VEZT: variants seen among roughly 807,000 people sequenced by gnomAD.
VEZT encodes vezatin, adherens junctions transmembrane protein.
Under a neutral mutation model 79.9 loss-of-function variants are expected in VEZT, and 39 were observed. That is an observed-to-expected ratio of 0.49 (90% confidence interval 0.38 to 0.64). The LOEUF is 0.64. VEZT is among the 30% of genes least tolerant of loss of function. The probability of loss-of-function intolerance (pLI) is 0.00; values close to 1 mark genes in which losing one functional copy is unlikely to be tolerated. For synonymous variants in VEZT, 325 were observed against 327.6 expected (o/e 0.99, Z 0.09); for missense variants, 837 against 893.1 (o/e 0.94, Z 0.80).
chr12:95,227,592 C>T (rs1372919702), intron 1 of VEZT, among the ~76,000 whole-genome samples: 3 of 152,150 alleles, frequency 2.0e-5, no homozygotes, highest in East Asian at 3.9e-4. Flanking sequence ...CCATCCGCCT[C>T]GGCTTCCCAA....
chr12:95,294,142 C>A, intron 9 of VEZT, 130 bp from the exon 10 acceptor site: 1 of 647,432 alleles, frequency 1.5e-6, no homozygotes. Context: ...CTGCCTCAGC[C>A]TCCCGAAGTG....
intron 7 of VEZT, among the ~76,000 whole-genome samples, chr12:95,279,704 A>G (rs1369628724): frequency 2.6e-5 from 4 of 152,012 alleles, no homozygotes; most frequent in Admixed American, 2.6e-4. Context: ...CGATCCTCCC[A>G]CCCTAGCCTC....
chr12:95,228,631 A>G (rs1056260767), intron 1 of VEZT, among the ~76,000 whole-genome samples: 3 of 152,172 alleles, frequency 2.0e-5, no homozygotes, highest in Non-Finnish European at 2.9e-5. Flanking sequence ...AATTCATGCT[A>G]TCACTATCTA....
At chr12:95,284,721 C>T (rs980874746) in intron 8 of VEZT, among the ~76,000 whole-genome samples, 3 of 152,056 alleles carry the variant, frequency 2.0e-5, no homozygotes, top group Admixed American at 1.3e-4. Context: ...AAAGTAAGGG[C>T]GGGCCAGGCG....
In VEZT at chr12:95,239,585, T is replaced by C. The variant is rs75542618; in HGVS notation, c.37-12355T>C. Among the ~76,000 whole-genome samples the C allele has an allele frequency of 3.5e-4, 54 of 152,228 alleles. No homozygotes were observed. In the East Asian group the frequency reaches 0.01, roughly 29 times the overall value. ...ATGGCTCTGAGATCAGCTCTTCTGA[T>C]AAAGGGAAGGAGAGAGTCTCAAGGG... On this transcript the variant is annotated intron_variant, in intron 1 of 11. Coordinates refer to ENST00000436874, the MANE Select transcript of VEZT (RefSeq NM_017599.4).
Position 95,238,543 on chromosome 12 carries a change from C to T in VEZT, c.37-13397C>T, listed in dbSNP as rs550154613. Among the ~76,000 whole-genome samples, 214 of 152,238 alleles carry T rather than the reference C, an allele frequency of 1.4e-3. 1 individual carries two copies. The highest frequency in any genetic ancestry group is 4.9e-3 in the African/African-American group (205 of 41,552). On this transcript the variant is annotated intron_variant, in intron 1 of 11. Transcript: ENST00000436874. ...ACTGGTATGTCATATGAGTTTGCCACCATATTTATATGCTAAAAACTTGAA... is the reference window on the plus strand; with the variant it reads ...ACTGGTATGTCATATGAGTTTGCCATCATATTTATATGCTAAAAACTTGAA...
At chr12:95,219,586 C>A (rs2057262449) in intron 1 of VEZT, among the ~76,000 whole-genome samples, 1 of 152,048 alleles carries the variant, frequency 6.6e-6, no homozygotes. Flanking sequence ...CATAATATAA[C>A]CTTTTTTTAA....
At chr12:95,276,739 G>C (rs1165602275) in intron 7 of VEZT, among the ~76,000 whole-genome samples, 1 of 152,130 alleles carries the variant, frequency 6.6e-6, no homozygotes, top group Non-Finnish European at 1.5e-5. Context: ...TTTGTTTTGA[G>C]ACTGTATTGA....
chr12:95,273,603 C>T (rs796353369), intron 6 of VEZT, among the ~76,000 whole-genome samples: 22 of 152,138 alleles, frequency 1.4e-4, no homozygotes, highest in African/African-American at 4.8e-4. Context: ...TTTTTAACTA[C>T]CAGATCCAGA....
intron 3 of VEZT, among the ~76,000 whole-genome samples, chr12:95,258,057 C>T (rs571650321): frequency 2.6e-5 from 4 of 152,234 alleles, no homozygotes; most frequent in Admixed American, 6.5e-5. Flanking sequence ...GGTTCCAAAG[C>T]CATGCTCTTT....
chr12:95,227,815 G>A (rs1467614027), intron 1 of VEZT, among the ~76,000 whole-genome samples: 2 of 152,170 alleles, frequency 1.3e-5, no homozygotes, highest in African/African-American at 4.8e-5. Flanking sequence ...TATTCCTAGA[G>A]GGAAGAGTGC....
chr12:95,239,973 AGAGAGAGAGG>A (rs1293799573), intron 1 of VEZT, among the ~76,000 whole-genome samples: 59 of 147,176 alleles, frequency 4.0e-4, no homozygotes, highest in African/African-American at 1.3e-3. Flanking sequence ...AGAGAGAGAG[AGAGAGAGAGG>A]AGAGAGAGAG....
At chr12:95,262,736 G>A (rs972009348) in intron 3 of VEZT, among the ~76,000 whole-genome samples, 170 bp from the exon 4 acceptor site, 2 of 152,172 alleles carry the variant, frequency 1.3e-5, no homozygotes, top group Non-Finnish European at 2.9e-5. Flanking sequence ...CACATTTACA[G>A]TGAAAATAAA....
chr12:95,274,529 G>A (rs1298570616), intron 6 of VEZT, among the ~76,000 whole-genome samples: 1 of 152,030 alleles, frequency 6.6e-6, no homozygotes, highest in African/African-American at 2.4e-5. Flanking sequence ...TAATTTTTTA[G>A]ACATTAAAAA....
chr12:95,266,473 C>T lies in VEZT; in HGVS notation c.551C>T (p.Ala184Val). The T allele has an allele frequency of 6.2e-7, 1 of 1,613,780 alleles. No homozygotes were observed. Among genetic ancestry groups the T allele is most frequent in the African/African-American group, 1.3e-5 (1 of 74,986 alleles). Residue 184 changes from alanine (A) to valine (V), a missense_variant, in exon 5 of 12, where the codon GCT becomes GTT. Transcript: ENST00000436874. ...CTATTTGTGTATCTGGTCATAAGAG[C>T]TTTGAGATTATGGAGGACAGCCAAA... ...VILFVYLVIR[A>V]LRLWRTAKLQ... is the part of the protein sequence containing the mutation.
intron 10 of VEZT, among the ~76,000 whole-genome samples, chr12:95,294,683 C>G (rs2073762439): frequency 6.6e-6 from 1 of 152,092 alleles, no homozygotes; most frequent in Admixed American, 6.6e-5. Flanking sequence ...TGTAAAAATC[C>G]TGTGCACTTG....
chr12:95,235,365 G>A lies in VEZT; in HGVS notation c.37-16575G>A, dbSNP rs1399285377. 5.2e-5 allele frequency among the ~76,000 whole-genome samples: 7 copies of A among 134,328 alleles called. 1 individual carries two copies. Among genetic ancestry groups the A allele is most frequent in the African/African-American group, 1.5e-4 (5 of 34,450 alleles). 88.1% of individuals were successfully genotyped at this position (134,328 alleles called of 152,430 possible). Reference sequence around the variant, plus strand: ...CCTCACTTCCCAGTAGGGGCGGCCGGGCAGAGGCGCCCCTCACCTCCCGGA... The same window carrying A: ...CCTCACTTCCCAGTAGGGGCGGCCGAGCAGAGGCGCCCCTCACCTCCCGGA... On this transcript the variant is annotated intron_variant, in intron 1 of 11. Transcript: ENST00000436874.
intron 1 of VEZT, among the ~76,000 whole-genome samples, chr12:95,229,773 G>A (rs1375251551): frequency 1.3e-5 from 2 of 152,038 alleles, no homozygotes; most frequent in Non-Finnish European, 2.9e-5. Flanking sequence ...CAGTGTACTC[G>A]ACAGGGGCAC....
At position 95,300,663 on chromosome 12, in the gene VEZT, A is replaced by C. The variant is rs1280560209; in HGVS notation, c.2330A>C (p.Glu777Ala). ...ATAGAAGAAAATAAAAATGAGATAG[A>C]AGAAAAGTAAGAACCAAGATTCATA... is the stretch of plus-strand genomic sequence containing the variant. ...QIIEENKNEI[E>A]EK Residue 777 changes from glutamate (E) to alanine (A), a missense_variant, in exon 12 of 12, where the codon GAA becomes GCA. Physicochemically the swap from Glu to Ala is moderately radical, Grantham distance 107 (BLOSUM62 -1). Coordinates refer to ENST00000436874, the MANE Select transcript of VEZT (RefSeq NM_017599.4). 6.3e-7 allele frequency: 1 copy of C among 1,581,910 alleles called. No homozygotes were observed. The highest frequency in any genetic ancestry group is 1.8e-5 in the Admixed American group (1 of 56,364).
Sources: gnomAD v4.1 joint callset for allele counts (sites outside exome capture counted in the v4.1 genomes callset) on GRCh38, gnomAD v4.1.1 for gene constraint, MANE v1.5 for transcripts, NCBI Gene and HGNC (gene_info 2026-07-23, HGNC 2026-07-21) for gene names.